SRPK2: variants seen among roughly 807,000 people sequenced by gnomAD.
The protein encoded by SRPK2 is SRSF protein kinase 2, also known as SFRS protein kinase 2.
Under a neutral mutation model 90.8 loss-of-function variants are expected in SRPK2, and 21 were observed. That is an observed-to-expected ratio of 0.23 (90% confidence interval 0.16 to 0.33). The LOEUF is 0.33. SRPK2 is among the 10% of genes least tolerant of loss of function. SRPK2 has a pLI of 1.00. For missense variants in SRPK2, 620 were observed against 869.0 expected (o/e 0.71, Z 3.60); for synonymous variants, 288 against 311.1 (o/e 0.93, Z 0.78).
intron 3 of SRPK2, among the ~76,000 whole-genome samples, chr7:105,201,609 C>G (rs972300388): frequency 6.7e-6 from 1 of 148,560 alleles, no homozygotes; most frequent in Admixed American, 6.8e-5. Context: ...AAGAATGGTT[C>G]TAGCCAGACC....
intron 2 of SRPK2, among the ~76,000 whole-genome samples, chr7:105,250,136 C>T (rs546715595): frequency 5.9e-5 from 9 of 152,174 alleles, no homozygotes; most frequent in Non-Finnish European, 1.2e-4. Flanking sequence ...TCAAGACCAG[C>T]CTGGCCAACA....
intron 2 of SRPK2, among the ~76,000 whole-genome samples, chr7:105,298,067 T>C (rs1217397972): frequency 1.3e-5 from 2 of 152,184 alleles, no homozygotes; most frequent in Non-Finnish European, 2.9e-5. Flanking sequence ...GTAATATTCA[T>C]CTTTTTCATG....
rs149952680 is a variant in SRPK2, at chr7:105,135,788, A to G, written c.1544-2684T>C. On this transcript the variant is annotated intron_variant, in intron 11 of 15. Coordinates refer to ENST00000393651, the MANE Select transcript of SRPK2 (RefSeq NM_182692.3). ...GAATTTTTTTTTTTTTTTTTGAGACAGAGTCTCACTCTGTCGCCTAGGCTG... is the reference window on the plus strand; with the variant it reads ...GAATTTTTTTTTTTTTTTTTGAGACGGAGTCTCACTCTGTCGCCTAGGCTG... Among the ~76,000 whole-genome samples the G allele has an allele frequency of 3.7e-3, 545 of 148,512 alleles. 15 individuals are homozygous for G. In the East Asian group the frequency reaches 0.063, roughly 17 times the overall value.
intron 2 of SRPK2, among the ~76,000 whole-genome samples, chr7:105,234,114 T>C (rs148894961): frequency 4.6e-4 from 70 of 152,218 alleles, no homozygotes; most frequent in African/African-American, 1.7e-3. Context: ...CAGATTCACA[T>C]TAAGAACACC....
intron 2 of SRPK2, among the ~76,000 whole-genome samples, chr7:105,370,334 G>A (rs1022006791): frequency 2.6e-5 from 4 of 152,056 alleles, no homozygotes; most frequent in Admixed American, 2.6e-4. Flanking sequence ...TCCATCCAGA[G>A]ACACATCTAA....
chr7:105,131,418 T>TTCTC (rs1354230609), intron 13 of SRPK2, among the ~76,000 whole-genome samples: 1 of 152,244 alleles, frequency 6.6e-6, no homozygotes, highest in Admixed American at 6.5e-5. Flanking sequence ...CTTTTAACCG[T>TTCTC]TCTTTTCTAT....
chr7:105,144,385 C>T (rs1293653191), intron 9 of SRPK2, among the ~76,000 whole-genome samples: 3 of 151,830 alleles, frequency 2.0e-5, no homozygotes, highest in Admixed American at 6.6e-5. Context: ...GGATTACAGA[C>T]GTCCACCAGC....
At position 105,142,013 on chromosome 7, in the gene SRPK2, G is replaced by A. The variant is rs1481702844; in HGVS notation, c.1538C>T (p.Pro513Leu). Residue 513 changes from proline (P) to leucine (L), a missense_variant, in exon 11 of 16, where the codon CCA becomes CTA. By Grantham distance (98) the Pro-to-Leu change is moderately conservative. Coordinates refer to ENST00000393651, the MANE Select transcript of SRPK2 (RefSeq NM_182692.3). The stretch of plus-strand genomic sequence containing the variant: ...TGATGGGAAGAAACACTTACCTTTT[G>A]GCAAATCCCCAGTACTGGAGGCTGA... Reference protein sequence around the residue: ...TVSASSTGDLPKAKTRAADLL... With the variant: ...TVSASSTGDLLKAKTRAADLL... 6.2e-7 allele frequency: 1 copy of A among 1,602,352 alleles called. No individual in the cohort carries two copies. The highest frequency in any genetic ancestry group is 2.2e-5 in the East Asian group (1 of 44,678).
At chr7:105,224,850 G>A (rs953122655) in intron 2 of SRPK2, among the ~76,000 whole-genome samples, 9 of 151,980 alleles carry the variant, frequency 5.9e-5, no homozygotes, top group Non-Finnish European at 8.8e-5. Flanking sequence ...CATTCCCCTT[G>A]ACCCCAAAAT....
At chr7:105,148,022 AG>A (rs1304058782) in intron 7 of SRPK2, among the ~76,000 whole-genome samples, 1 of 152,192 alleles carries the variant, frequency 6.6e-6, no homozygotes, top group African/African-American at 2.4e-5. Flanking sequence ...GTATATACCT[AG>A]GAGTTACCGT....
chr7:105,241,927 C>T (rs879538432), intron 2 of SRPK2, among the ~76,000 whole-genome samples: 6 of 151,996 alleles, frequency 3.9e-5, no homozygotes, highest in Admixed American at 3.9e-4. Flanking sequence ...ATGTTCCCAC[C>T]AAGAAAAGGT....
rs574095316 is a variant in SRPK2 at position 105,397,142 on chromosome 7, C to T, written n.153+2014G>A. Among the ~76,000 whole-genome samples, 576 of 149,104 alleles carry T rather than the reference C, an allele frequency of 3.9e-3. 3 individuals carry two copies. The highest frequency in any genetic ancestry group is 0.013 in the African/African-American group (537 of 40,456). ...AAGCAATTCTCCTGCCTCAGCTTCC[C>T]GAGTAGCTGGGACTACAGGTGCACA... On this transcript the variant is annotated intron_variant and non_coding_transcript_variant, in intron 1 of 3. Transcript: ENST00000462282.
chr7:105,121,344 C>T (rs1584851929), intron 15 of SRPK2, among the ~76,000 whole-genome samples: 3 of 114,900 alleles, frequency 2.6e-5, no homozygotes, highest in Admixed American at 9.2e-5. Context: ...GACTCTGTCT[C>T]AAAAAAAGGA....
chr7:105,344,482 G>A (rs1037510647), intron 2 of SRPK2, among the ~76,000 whole-genome samples: 1 of 140,054 alleles, frequency 7.1e-6, no homozygotes, highest in African/African-American at 2.7e-5. Flanking sequence ...TCAAATTCCT[G>A]GTTTCAAGTG....
At chr7:105,334,152 G>A (rs1381106772) in intron 2 of SRPK2, among the ~76,000 whole-genome samples, 1 of 152,106 alleles carries the variant, frequency 6.6e-6, no homozygotes, top group Non-Finnish European at 1.5e-5. Flanking sequence ...CGCAATCTCG[G>A]CTCACCATAA....
intron 2 of SRPK2, among the ~76,000 whole-genome samples, chr7:105,251,300 C>T (rs901505739): frequency 5.3e-5 from 8 of 152,162 alleles, no homozygotes; most frequent in African/African-American, 1.9e-4. Context: ...CTAGAGAAGT[C>T]TTTCATTTAT....
chr7:105,214,906 C>T (rs1193669602), intron 2 of SRPK2, among the ~76,000 whole-genome samples: 1 of 152,038 alleles, frequency 6.6e-6, no homozygotes, highest in East Asian at 1.9e-4. Flanking sequence ...AAAAGAAAAA[C>T]ACAAAACTGG....
chr7:105,185,152 A>G (rs1585096268), intron 3 of SRPK2, among the ~76,000 whole-genome samples: 1 of 152,156 alleles, frequency 6.6e-6, no homozygotes, highest in Non-Finnish European at 1.5e-5. Flanking sequence ...CTGAAGAAAC[A>G]TAACTGATCT....
chr7:105,269,665 G>C (rs1038483903), intron 2 of SRPK2, among the ~76,000 whole-genome samples: 2 of 152,164 alleles, frequency 1.3e-5, no homozygotes, highest in Non-Finnish European at 2.9e-5. Context: ...TTGGAAGGGA[G>C]ATAACAGACT....
Sources: allele counts gnomAD v4.1 joint callset (sites outside exome capture counted in the v4.1 genomes callset), GRCh38; gene constraint gnomAD v4.1.1; transcripts MANE v1.5; gene names NCBI Gene and HGNC (gene_info 2026-07-23, HGNC 2026-07-21).